SMIM20: variants seen among roughly 807,000 people sequenced by gnomAD.
The protein encoded by SMIM20 is small integral membrane protein 20, also known as mitochondrial translation regulation assembly intermediate of cytochrome c oxidase protein of 7 kDa.
In SMIM20, 3 loss-of-function variants were observed where a neutral mutation model predicts 8.7. The observed-to-expected ratio is 0.34, with a 90% CI of 0.16 to 0.89. The LOEUF (loss-of-function observed/expected upper bound fraction) is 0.89, where lower values mean the gene tolerates loss of function less well. Ranked by LOEUF, SMIM20 falls within the 40% of genes least tolerant of loss-of-function variation. The pLI is 0.49. For synonymous variants in SMIM20, 44 were observed against 33.6 expected, an observed-to-expected ratio of 1.31 and a Z score of -1.07; for missense variants, 85 against 84.8, an observed-to-expected ratio of 1.00 and a Z score of -0.01.
chr4:25,927,787 T>C (rs1000018823), intron 1 of SMIM20, among the ~76,000 whole-genome samples: 16 of 152,230 alleles, frequency 1.1e-4, no homozygotes, highest in African/African-American at 3.9e-4. Context: ...GCACCTGCAA[T>C]CAATTAGGGA....
intron 1 of SMIM20, among the ~76,000 whole-genome samples, chr4:25,923,964 G>A (rs1719244176): frequency 6.6e-6 from 1 of 152,138 alleles, no homozygotes; most frequent in Non-Finnish European, 1.5e-5. Flanking sequence ...GTGGCTACTT[G>A]GTCCCCTTCA....
At position 25,914,330 on chromosome 4, in the gene SMIM20, G is replaced by C. The variant is rs1400502755; in HGVS notation, c.17G>C (p.Arg6Pro). ...CCTGACGCCATGTCCCGGAACCTGC[G>C]CACCGCGCTCATTTTCGGCGGCTTC... MSRNL[R>P]TALIFGGFIS... is the part of the protein sequence containing the mutation. The change falls in exon 1 of 3, where the codon CGC becomes CCC. Residue 6 changes from arginine to proline, a missense_variant. Physicochemically the swap from Arg to Pro is moderately radical, Grantham distance 103. Transcript: ENST00000506197. 3.9e-6 allele frequency: 6 copies of C among 1,550,472 alleles called. No homozygotes were observed. In the Admixed American group the frequency reaches 1.2e-4, roughly 30 times the overall value.
At chr4:25,926,699 C>T (rs552361833) in intron 1 of SMIM20, among the ~76,000 whole-genome samples, 3 of 152,324 alleles carry the variant, frequency 2.0e-5, no homozygotes, top group South Asian at 4.1e-4. Context: ...CCTTGCAGTA[C>T]CTGCCTCTGG....
intron 1 of SMIM20, among the ~76,000 whole-genome samples, chr4:25,921,873 C>G (rs1719209111): frequency 6.6e-6 from 1 of 152,056 alleles, no homozygotes; most frequent in Non-Finnish European, 1.5e-5. Flanking sequence ...AGGTTTTAAA[C>G]CAGGAGAGGC....
intron 1 of SMIM20, 70 bp from the exon 2 acceptor site, chr4:25,928,243 C>T (rs972515724): frequency 7.0e-7 from 1 of 1,432,898 alleles, no homozygotes; most frequent in Non-Finnish European, 9.5e-7. Flanking sequence ...GTCATTGGCC[C>T]ATGTAAATAC....
intron 1 of SMIM20, among the ~76,000 whole-genome samples, chr4:25,915,827 G>A (rs1294466287): frequency 8.1e-6 from 1 of 122,736 alleles, no homozygotes; most frequent in Non-Finnish European, 1.6e-5. Context: ...TCAATCTGGA[G>A]ACATTTTTGC....
At chr4:25,927,352 T>TTA (rs1251470833) in intron 1 of SMIM20, among the ~76,000 whole-genome samples, 4 of 152,218 alleles carry the variant, frequency 2.6e-5, no homozygotes, top group Non-Finnish European at 5.9e-5. Context: ...GTTCAATGAA[T>TTA]ATTAGATTTG....
At chr4:25,916,683 G>A (rs1263930625) in intron 1 of SMIM20, among the ~76,000 whole-genome samples, 3 of 151,968 alleles carry the variant, frequency 2.0e-5, no homozygotes, top group South Asian at 2.1e-4. Context: ...AGCCTCCCAA[G>A]TAGCTGGGAA....
rs767202183 is a variant in SMIM20 at position 25,914,370 on chromosome 4, C to T, written c.57C>T (p.Gly19=). ...TCGGCGGCTTCATCTCCCTGATCGG[C>T]GCCGCCTTCTATCCCATCTACTTCC... ...LIFGGFISLI[G]AAFYPIYFRP... Residue 19 remains glycine, a synonymous_variant, in exon 1 of 3, where the codon GGC becomes GGT. Coordinates refer to ENST00000506197, the MANE Select transcript of SMIM20 (RefSeq NM_001145432.3). 1.3e-6 allele frequency: 2 copies of T among 1,548,362 alleles called. No individual in the cohort carries two copies. The highest frequency in any genetic ancestry group is 1.2e-5 in the South Asian group (1 of 83,686).
At chr4:25,921,730 G>C (rs1719206195) in intron 1 of SMIM20, among the ~76,000 whole-genome samples, 1 of 152,184 alleles carries the variant, frequency 6.6e-6, no homozygotes, top group South Asian at 2.1e-4. Context: ...TTCCCAGGCA[G>C]CATTCAGAGA....
Position 25,929,164 on chromosome 4 carries a change from G to A in SMIM20, c.177G>A (p.Val59=). 1.3e-6 allele frequency: 2 copies of A among 1,551,992 alleles called. No individual in the cohort carries two copies. Among genetic ancestry groups the A allele is most frequent in the Non-Finnish European group, 8.7e-7 (1 of 1,146,978 alleles). The change falls in exon 3 of 3, where the codon GTG becomes GTA. Residue 59 remains valine, a synonymous_variant. Transcript: ENST00000506197. ...QEDVQPPGLK[V]WSDPFGRK ...TGTTTCTTTCCATAGGGTTAAAAGT[G>A]TGGTCTGATCCATTTGGCAGGAAAT... is the stretch of plus-strand genomic sequence containing the variant.
intron 1 of SMIM20, among the ~76,000 whole-genome samples, chr4:25,921,422 G>A (rs936749375): frequency 3.3e-5 from 5 of 152,190 alleles, no homozygotes; most frequent in African/African-American, 7.2e-5. Context: ...GATTAGCCAC[G>A]GGGCAAAGAA....
chr4:25,921,806 T>C (rs745644191), intron 1 of SMIM20, among the ~76,000 whole-genome samples: 5 of 151,822 alleles, frequency 3.3e-5, no homozygotes, highest in East Asian at 1.9e-4. Flanking sequence ...GGCTGAAGCA[T>C]AGGGGGTCAG....
rs918753918 is a variant in SMIM20 at position 25,915,867 on chromosome 4, G to C, written c.109+1445G>C. On this transcript the variant is annotated intron_variant, in intron 1 of 2. Coordinates refer to ENST00000506197, the MANE Select transcript of SMIM20 (RefSeq NM_001145432.3). ...CACAACTTGGGATGGGGCGGGGGGG[G>C]GGTCGAGTGTTGCTACTGGTTTCTT... is the stretch of plus-strand genomic sequence containing the variant. 6.8e-5 allele frequency among the ~76,000 whole-genome samples: 9 copies of C among 131,556 alleles called. 2 individuals carry two copies. Among genetic ancestry groups the C allele is most frequent in the African/African-American group, 2.2e-4 (8 of 36,818 alleles). 86.3% of individuals were successfully genotyped at this position (131,556 alleles called of 152,430 possible).
intron 1 of SMIM20, among the ~76,000 whole-genome samples, chr4:25,924,592 T>C (rs1045837485): frequency 2.6e-5 from 4 of 152,230 alleles, no homozygotes; most frequent in Non-Finnish European, 5.9e-5. Context: ...CCACATTTGC[T>C]TTCTCCCCCT....
At chr4:25,918,928 C>T (rs1379960736) in intron 1 of SMIM20, among the ~76,000 whole-genome samples, 5 of 115,974 alleles carry the variant, frequency 4.3e-5, no homozygotes, top group African/African-American at 6.6e-5. Flanking sequence ...GACGGAGTCT[C>T]GCTCTGTCGC....
chr4:25,919,161 C>T lies in SMIM20; in HGVS notation c.109+4739C>T, dbSNP rs192859003. Among the ~76,000 whole-genome samples, 381 of 152,106 alleles carry T rather than the reference C, an allele frequency of 2.5e-3. 11 individuals are homozygous for T. The highest frequency in any genetic ancestry group is 0.023 in the Admixed American group (359 of 15,288). Reference sequence around the variant, plus strand: ...CCTCATGATCCACCCGCCTCGGCCTCCCAAAGTGCTGGGATTACAGGCGTG... The same window carrying T: ...CCTCATGATCCACCCGCCTCGGCCTTCCAAAGTGCTGGGATTACAGGCGTG... On this transcript the variant is annotated intron_variant, in intron 1 of 2. Coordinates refer to ENST00000506197, the MANE Select transcript of SMIM20 (RefSeq NM_001145432.3).
chr4:25,921,266 G>A (rs553940727), intron 1 of SMIM20, among the ~76,000 whole-genome samples: 13 of 152,254 alleles, frequency 8.5e-5, no homozygotes, highest in African/African-American at 3.1e-4. Context: ...GGGCATGGTG[G>A]CTCAAACCTG....
Position 25,914,487 on chromosome 4 carries a change from C to T in SMIM20, c.109+65C>T, listed in dbSNP as rs1214805351. The T allele has an allele frequency of 9.5e-6, 13 of 1,361,320 alleles. No individual in the cohort carries two copies. The East Asian group carries it at 2.8e-4, about 29-fold the overall frequency. 84.3% of individuals were successfully genotyped at this position (1,361,320 alleles called of 1,614,324 possible). On this transcript the variant is annotated intron_variant, in intron 1 of 2. Coordinates refer to ENST00000506197, the MANE Select transcript of SMIM20 (RefSeq NM_001145432.3). ...AACACACACACCTCCCCTCTGTGAG[C>T]TCCACGTGGTGCCGTGGAAAGAACT...
Sources: allele counts gnomAD v4.1 joint callset (sites outside exome capture counted in the v4.1 genomes callset), GRCh38; gene constraint gnomAD v4.1.1; transcripts MANE v1.5; gene names NCBI Gene and HGNC (gene_info 2026-07-23, HGNC 2026-07-21).